The following PDE8A variants were observed in gnomAD, a reference collection of about 807,000 sequenced individuals.
The protein encoded by PDE8A is high affinity cAMP-specific and IBMX-insensitive 3',5'-cyclic phosphodiesterase 8A.
In PDE8A, 59 loss-of-function variants were observed where a neutral mutation model predicts 105.0. The observed-to-expected ratio is 0.56, with a 90% CI of 0.46 to 0.70. The LOEUF (loss-of-function observed/expected upper bound fraction) is 0.70, where lower values mean the gene tolerates loss of function less well. Among genes scored for constraint, PDE8A ranks in the 30% least tolerant of loss-of-function variants. The pLI, the probability that PDE8A is intolerant of heterozygous loss-of-function variation, is 0.00. For synonymous variants in PDE8A, 355 were observed against 371.9 expected (o/e 0.95, Z 0.52); for missense variants, 1,014 against 1,045.9 (o/e 0.97, Z 0.42).
intron 1 of PDE8A, among the ~76,000 whole-genome samples, chr15:85,032,432 A>C (rs1432951399): frequency 1.3e-5 from 2 of 152,216 alleles, no homozygotes; most frequent in Non-Finnish European, 2.9e-5. Flanking sequence ...AGGTCATGGA[A>C]ACAGTAACTT....
At chr15:84,983,262 A>G (rs1198834207) in intron 1 of PDE8A, among the ~76,000 whole-genome samples, 1 of 152,270 alleles carries the variant, frequency 6.6e-6, no homozygotes, top group Non-Finnish European at 1.5e-5. Context: ...TTGTTAAACC[A>G]GTAAAAGACA....
chr15:84,995,359 G>A (rs144110171), intron 1 of PDE8A, among the ~76,000 whole-genome samples: 1 of 150,518 alleles, frequency 6.6e-6, no homozygotes, highest in Non-Finnish European at 1.5e-5. Context: ...CTGTTGCCTA[G>A]ACTGGAGTGC....
intron 1 of PDE8A, 39 bp downstream of exon 1, chr15:84,982,387 C>G: frequency 7.9e-7 from 1 of 1,263,290 alleles, no homozygotes; most frequent in Non-Finnish European, 1.0e-6. Flanking sequence ...CCGCGAAACT[C>G]GGGCCCGGCC....
At chr15:85,089,489 C>T (rs2081606795) in intron 7 of PDE8A, 73 bp downstream of exon 7, 3 of 752,308 alleles carry the variant, frequency 4.0e-6, no homozygotes, top group Non-Finnish European at 2.2e-6. Flanking sequence ...TTGAACCTCT[C>T]CAATATGATT....
At chr15:85,132,113 A>G (rs12148170) in intron 20 of PDE8A, among the ~76,000 whole-genome samples, 5,128 of 152,240 alleles carry the variant, frequency 0.034, 135 homozygotes, top group Non-Finnish European at 0.055. Flanking sequence ...GTAGATTCAT[A>G]TCTTTCCCCA....
At chr15:85,126,417 T>TA in intron 20 of PDE8A, 43 bp downstream of exon 20, 1 of 1,259,638 alleles carries the variant, frequency 7.9e-7, no homozygotes, top group Non-Finnish European at 1.1e-6. Context: ...GAGAGAGAGT[T>TA]AAAACCCATA....
chr15:85,072,928 C>T (rs894411383), intron 3 of PDE8A, among the ~76,000 whole-genome samples: 2 of 151,962 alleles, frequency 1.3e-5, no homozygotes, highest in Non-Finnish European at 2.9e-5. Context: ...GCTTGAGCCA[C>T]ATGGTGAAAC....
At chr15:85,075,248 G>C (rs1443526070) in intron 3 of PDE8A, among the ~76,000 whole-genome samples, 1 of 152,152 alleles carries the variant, frequency 6.6e-6, no homozygotes, top group Non-Finnish European at 1.5e-5. Flanking sequence ...AACTTTAGTC[G>C]AACAGTCTCT....
At chr15:85,066,746 C>T (rs2081235560) in intron 2 of PDE8A, among the ~76,000 whole-genome samples, 1 of 152,096 alleles carries the variant, frequency 6.6e-6, no homozygotes, top group South Asian at 2.1e-4. Flanking sequence ...CGAAATCAGC[C>T]TGGCCAACAT....
chr15:85,018,289 G>C (rs1343781964), intron 1 of PDE8A, among the ~76,000 whole-genome samples: 2 of 152,164 alleles, frequency 1.3e-5, no homozygotes, highest in Admixed American at 1.3e-4. Context: ...TACTGTTTCA[G>C]GACAAGATGA....
intron 8 of PDE8A, among the ~76,000 whole-genome samples, chr15:85,091,886 G>T: frequency 7.4e-6 from 1 of 135,236 alleles, no homozygotes. Flanking sequence ...ATCATTCATG[G>T]TCCTTTCTGC....
Position 85,091,314 on chromosome 15 carries a change from C to T in PDE8A, c.852+133C>T, listed in dbSNP as rs1048968776. The T allele has an allele frequency of 5.7e-6, 4 of 706,186 alleles. No individual in the cohort carries two copies. The East Asian group carries it at 8.5e-5, about 15-fold the overall frequency. 43.7% of individuals were successfully genotyped at this position (706,186 alleles called of 1,614,324 possible). On this transcript the variant is annotated intron_variant, in intron 8 of 21. Transcript: ENST00000394553. ...CCCAGGGAAGTATAGGGAATGTTAT[C>T]CCTGTTATATCCATTTTGCAGGTGA...
At chr15:85,091,210 C>T in intron 8 of PDE8A, 29 bp downstream of exon 8, 1 of 1,566,560 alleles carries the variant, frequency 6.4e-7, no homozygotes, top group Non-Finnish European at 8.7e-7. Context: ...CCTTTTTTAA[C>T]TTTCACAACA....
At chr15:85,007,391 A>C (rs2080165228) in intron 1 of PDE8A, among the ~76,000 whole-genome samples, 1 of 150,738 alleles carries the variant, frequency 6.6e-6, no homozygotes, top group South Asian at 2.1e-4. Flanking sequence ...GCACAGTGGT[A>C]CTGGGAGGGG....
chr15:85,075,803 A>G (rs1394774337), intron 3 of PDE8A, 59 bp from the exon 4 acceptor site: 2 of 883,572 alleles, frequency 2.3e-6, no homozygotes, highest in African/African-American at 3.5e-5. Flanking sequence ...TTGTTTAAGT[A>G]TATTTGGTTT....
At chr15:85,072,782 G>A (rs915610831) in intron 3 of PDE8A, among the ~76,000 whole-genome samples, 3 of 152,128 alleles carry the variant, frequency 2.0e-5, no homozygotes, top group Non-Finnish European at 4.4e-5. Flanking sequence ...TGGCCAAAAG[G>A]ATTCCTAATG....
At chr15:85,104,668 A>G (rs987656505) in intron 11 of PDE8A, among the ~76,000 whole-genome samples, 2 of 152,174 alleles carry the variant, frequency 1.3e-5, no homozygotes, top group African/African-American at 4.8e-5. Context: ...AACATTAGTT[A>G]AAATAACAAG....
intron 6 of PDE8A, among the ~76,000 whole-genome samples, chr15:85,085,510 C>T (rs905490125): frequency 1.3e-5 from 2 of 152,006 alleles, no homozygotes; most frequent in African/African-American, 2.4e-5. Context: ...CAAGCCTGGC[C>T]AACATGGCGA....
intron 1 of PDE8A, among the ~76,000 whole-genome samples, chr15:85,029,153 TC>T (rs2080569515): frequency 6.6e-6 from 1 of 152,182 alleles, no homozygotes; most frequent in Non-Finnish European, 1.5e-5. Context: ...AGCTAATACT[TC>T]CATTAGGCAG....
Sources: allele counts gnomAD v4.1 joint callset (sites outside exome capture counted in the v4.1 genomes callset), GRCh38; gene constraint gnomAD v4.1.1; transcripts MANE v1.5; gene names NCBI Gene and HGNC (gene_info 2026-07-23, HGNC 2026-07-21).